Variants in IKZF2 observed in about 807,000 individuals in gnomAD.
IKZF2 encodes the protein zinc finger protein Helios.
Under a neutral mutation model 49.2 loss-of-function variants are expected in IKZF2, and 15 were observed. The ratio of observed to expected loss-of-function variants is 0.30; its 90% CI spans 0.20 to 0.47. The LOEUF (loss-of-function observed/expected upper bound fraction) is 0.47, where lower values mean the gene tolerates loss of function less well. IKZF2 is among the 20% of genes least tolerant of loss of function. IKZF2 has a pLI of 1.00. For synonymous variants in IKZF2, 227 were observed against 221.4 expected (o/e 1.03, Z -0.23); for missense variants, 567 against 664.6 (o/e 0.85, Z 1.61).
chr2:213,049,253 G>C (rs57239203), intron 6 of IKZF2, among the ~76,000 whole-genome samples: 1 of 151,920 alleles, frequency 6.6e-6, no homozygotes, highest in Non-Finnish European at 1.5e-5. Context: ...AATTTTCTGA[G>C]TATATTTTCA....
At chr2:213,141,974 A>G (rs888577930) in intron 4 of IKZF2, among the ~76,000 whole-genome samples, 2 of 152,038 alleles carry the variant, frequency 1.3e-5, no homozygotes, top group African/African-American at 4.8e-5. Context: ...ACAATCAACA[A>G]TTAAACCAAC....
intron 4 of IKZF2, among the ~76,000 whole-genome samples, chr2:213,060,646 C>T (rs1701593793): frequency 6.6e-6 from 1 of 151,308 alleles, no homozygotes; most frequent in Non-Finnish European, 1.5e-5. Flanking sequence ...TGGAAATGTA[C>T]ACACGTTATC....
intron 5 of IKZF2, among the ~76,000 whole-genome samples, chr2:213,051,846 G>C (rs1008072925): frequency 6.6e-6 from 1 of 151,838 alleles, no homozygotes; most frequent in Non-Finnish European, 1.5e-5. Flanking sequence ...TAACAAATTC[G>C]TTAACAATAA....
intron 5 of IKZF2, among the ~76,000 whole-genome samples, chr2:213,052,297 C>T (rs1402674206): frequency 2.6e-5 from 4 of 151,772 alleles, no homozygotes; most frequent in East Asian, 1.9e-4. Flanking sequence ...GGTAAGTTCC[C>T]AAGGACATGG....
In IKZF2 at chr2:213,005,195, G is replaced by GC. The variant is rs1695237830; in HGVS notation, c.*2164_*2165insG. 2.3e-5 allele frequency: 3 copies of GC among 130,810 alleles called. 1 individual carries two copies. The highest frequency in any genetic ancestry group is 3.3e-5 in the Non-Finnish European group (2 of 60,808). The allele number at this position is 130,810 out of a possible 1,614,324, so 8.1% of individuals were successfully genotyped here. On this transcript the variant is annotated 3_prime_UTR_variant, in exon 9 of 9. Transcript: ENST00000434687. Reference sequence around the variant, plus strand: ...TATTATTTGGGAGTGGTTGGGTGGGGGGGGGTGAGCGAGTCTCAAAAACAT... The same window carrying GC: ...TATTATTTGGGAGTGGTTGGGTGGGGCGGGGGTGAGCGAGTCTCAAAAACAT...
chr2:213,102,285 T>A (rs1217295227), intron 4 of IKZF2, among the ~76,000 whole-genome samples: 2 of 152,158 alleles, frequency 1.3e-5, no homozygotes, highest in Non-Finnish European at 2.9e-5. Context: ...TCAGGGTATC[T>A]GTTTGCCCAA....
chr2:213,150,468 C>G (rs1490218171), intron 1 of IKZF2: 1 of 257,624 alleles, frequency 3.9e-6, no homozygotes, highest in East Asian at 1.0e-4. Flanking sequence ...TCCTCCTCCT[C>G]CTCCTCCTCG....
chr2:213,038,482 C>A, intron 6 of IKZF2, among the ~76,000 whole-genome samples: 1 of 151,958 alleles, frequency 6.6e-6, no homozygotes, highest in East Asian at 1.9e-4. Flanking sequence ...CTATTAATAT[C>A]CAAAGGTGTA....
chr2:213,125,812 A>T (rs1038444777), intron 4 of IKZF2, among the ~76,000 whole-genome samples: 4 of 151,956 alleles, frequency 2.6e-5, no homozygotes, highest in African/African-American at 9.7e-5. Flanking sequence ...CCCAAGAACA[A>T]CGTTGGTATT....
At chr2:213,018,087 CCTT>C (rs1442079590) in intron 7 of IKZF2, among the ~76,000 whole-genome samples, 3 of 152,224 alleles carry the variant, frequency 2.0e-5, no homozygotes, top group East Asian at 3.9e-4. Context: ...AGCTGGCTAT[CCTT>C]CTGCTTTGCA....
At chr2:213,140,462 C>A (rs2060826414) in intron 4 of IKZF2, among the ~76,000 whole-genome samples, 1 of 151,846 alleles carries the variant, frequency 6.6e-6, no homozygotes, top group South Asian at 2.1e-4. Context: ...TGTGGCAGAA[C>A]TGGCCAATGT....
At chr2:213,030,849 G>A (rs376206703) in intron 6 of IKZF2, among the ~76,000 whole-genome samples, 2 of 140,474 alleles carry the variant, frequency 1.4e-5, no homozygotes, top group African/African-American at 2.7e-5. Flanking sequence ...ATGGAGTCTC[G>A]CTCTGTCGCC....
At chr2:213,045,733 G>T (rs1574613034) in intron 6 of IKZF2, among the ~76,000 whole-genome samples, 1 of 152,286 alleles carries the variant, frequency 6.6e-6, no homozygotes, top group South Asian at 2.1e-4. Flanking sequence ...ATCCTCCATT[G>T]TAAGTGAGAA....
chr2:213,150,429 C>A, intron 1 of IKZF2, 182 bp from the exon 2 acceptor site: 1 of 238,952 alleles, frequency 4.2e-6, no homozygotes, highest in Non-Finnish European at 8.1e-6. Flanking sequence ...ATAAACAAAA[C>A]CAAGAAATGA....
chr2:213,107,316 T>G (rs2059566652), intron 4 of IKZF2, among the ~76,000 whole-genome samples: 1 of 152,208 alleles, frequency 6.6e-6, no homozygotes, highest in Non-Finnish European at 1.5e-5. Flanking sequence ...GTTTATCACA[T>G]TTATGTCAAC....
chr2:213,124,327 A>G (rs1409062686), intron 4 of IKZF2, among the ~76,000 whole-genome samples: 1 of 151,062 alleles, frequency 6.6e-6, no homozygotes, highest in Non-Finnish European at 1.5e-5. Context: ...GAAGCCTGAT[A>G]TTTTTAAATG....
rs1448702292 is a variant in IKZF2 at position 213,003,000 on chromosome 2, A to G, written c.*4360T>C. ...AATACTATGAAACTAAAAAGGTAGT[A>G]AAGTCTAGTTTCAAAGTTTCCTTTT... is the stretch of plus-strand genomic sequence containing the variant. On this transcript the variant is annotated 3_prime_UTR_variant, in exon 9 of 9. Transcript: ENST00000434687. 2 of 152,040 alleles carry G rather than the reference A, an allele frequency of 1.3e-5. No homozygotes were observed. Among genetic ancestry groups the G allele is most frequent in the Admixed American group, 6.6e-5 (1 of 15,184 alleles). 9.4% of individuals were successfully genotyped at this position (152,040 alleles called of 1,614,324 possible).
chr2:213,028,528 T>C (rs1427135945), intron 6 of IKZF2, among the ~76,000 whole-genome samples: 2 of 152,142 alleles, frequency 1.3e-5, no homozygotes, highest in Non-Finnish European at 2.9e-5. Flanking sequence ...TTTATTGAAG[T>C]CTTTAATTTA....
chr2:213,048,569 T>C (rs1700386065), intron 6 of IKZF2, among the ~76,000 whole-genome samples: 1 of 152,114 alleles, frequency 6.6e-6, no homozygotes, highest in Non-Finnish European at 1.5e-5. Flanking sequence ...AGCACAATTT[T>C]AAAATAAAAC....
Sources: allele counts gnomAD v4.1 joint callset (sites outside exome capture counted in the v4.1 genomes callset), GRCh38; gene constraint gnomAD v4.1.1; transcripts MANE v1.5; gene names NCBI Gene and HGNC (gene_info 2026-07-23, HGNC 2026-07-21).